The following PYGL variants were observed in gnomAD, a reference collection of about 807,000 sequenced individuals.
PYGL encodes glycogen phosphorylase, liver form.
A neutral mutation model predicts 100.1 loss-of-function variants in PYGL; 90 were observed. The observed-to-expected ratio is 0.90, with a 90% CI of 0.76 to 1.07. The LOEUF (loss-of-function observed/expected upper bound fraction) is 1.07. Among genes scored for constraint, PYGL ranks in the 50% least tolerant of loss-of-function variants. The probability of loss-of-function intolerance (pLI) is 0.00; values close to 1 mark genes in which losing one functional copy is unlikely to be tolerated. For synonymous variants in PYGL, 373 were observed against 393.0 expected, an observed-to-expected ratio of 0.95 and a Z score of 0.60; for missense variants, 1,016 against 1,057.6, an observed-to-expected ratio of 0.96 and a Z score of 0.55.
intron 5 of PYGL, among the ~76,000 whole-genome samples, chr14:50,921,999 G>A (rs903496894): frequency 2.0e-5 from 3 of 152,216 alleles, no homozygotes; most frequent in Admixed American, 1.3e-4. Context: ...TAAGAGGTAA[G>A]CTTTGGAAAA....
chr14:50,941,244 A>C (rs1301056625), intron 1 of PYGL, among the ~76,000 whole-genome samples: 2 of 152,190 alleles, frequency 1.3e-5, no homozygotes, highest in Admixed American at 6.5e-5. Flanking sequence ...AGGTCACATA[A>C]AACAAAGAAG....
intron 19 of PYGL, among the ~76,000 whole-genome samples, chr14:50,906,218 C>A (rs1038583143): frequency 6.6e-6 from 1 of 152,062 alleles, no homozygotes; most frequent in African/African-American, 2.4e-5. Flanking sequence ...TTTATAGCCT[C>A]TTAATTTTGT....
chr14:50,907,506 T>G (rs903243259), intron 19 of PYGL, among the ~76,000 whole-genome samples: 3 of 152,176 alleles, frequency 2.0e-5, no homozygotes, highest in African/African-American at 7.2e-5. Context: ...ACCTTGGTGA[T>G]TCTGATGTGT....
chr14:50,935,426 A>T (rs546834936), intron 2 of PYGL, among the ~76,000 whole-genome samples: 1 of 152,332 alleles, frequency 6.6e-6, no homozygotes, highest in East Asian at 1.9e-4. Flanking sequence ...TGACTCTGTT[A>T]CTTCTTACAT....
At chr14:50,912,359 C>G in intron 13 of PYGL, 56 bp from the exon 14 acceptor site, 1 of 1,589,360 alleles carries the variant, frequency 6.3e-7, no homozygotes, top group Non-Finnish European at 8.6e-7. Flanking sequence ...ATTGGGTGGT[C>G]TGGTTTTTCT....
chr14:50,923,764 T>A, intron 5 of PYGL: 7 of 378,278 alleles, frequency 1.9e-5, no homozygotes, highest in East Asian at 1.4e-4. Flanking sequence ...TAAAAGTCAC[T>A]CCTCTCTTGG....
Position 50,915,898 on chromosome 14 carries a change from G to A in PYGL, c.1166C>T (p.Pro389Leu), listed in dbSNP as rs866661249. 1 of 1,614,182 alleles carries A rather than the reference G, an allele frequency of 6.2e-7. No individual in the cohort carries two copies. The highest frequency in any genetic ancestry group is 8.5e-7 in the Non-Finnish European group (1 of 1,180,004). Residue 389 changes from proline (P) to leucine (L), a missense_variant, in exon 10 of 20, where the codon CCC becomes CTC. By Grantham distance (98) the Pro-to-Leu change is moderately conservative (BLOSUM62 -3). Coordinates refer to ENST00000216392, the MANE Select transcript of PYGL (RefSeq NM_002863.5). ...TVLPEALERW[P>L]VDLVEKLLPR... ...GAGCAGCTTCTCCACCAGGTCCACG[G>A]GCCAGCGCTCCAGGGCTTCCGGGAG...
intron 4 of PYGL, among the ~76,000 whole-genome samples, chr14:50,928,437 G>C (rs1471932167): frequency 6.6e-6 from 1 of 152,100 alleles, no homozygotes; most frequent in Non-Finnish European, 1.5e-5. Context: ...GCAAGAGAAG[G>C]GTTGCAGAAG....
chr14:50,918,291 A>G (rs2050471849), intron 7 of PYGL, among the ~76,000 whole-genome samples: 1 of 152,226 alleles, frequency 6.6e-6, no homozygotes, highest in African/African-American at 2.4e-5. Context: ...TTAAAGAACT[A>G]AAAGTAGAAC....
rs555137834 is a variant in PYGL at position 50,944,323 on chromosome 14, C to T, written c.81G>A (p.Glu27=). 27 of 1,613,996 alleles carry T rather than the reference C, an allele frequency of 1.7e-5. No homozygotes were observed. The South Asian group carries it at 2.6e-4, about 16-fold the overall frequency. Reference sequence around the variant, plus strand: ...GGTGCCGGTTGAAACTCTTCTTCAGCTCTGCCACGTTCTCCACGCCCACGA... The same window carrying T: ...GGTGCCGGTTGAAACTCTTCTTCAGTTCTGCCACGTTCTCCACGCCCACGA... ...RGIVGVENVA[E]LKKSFNRHLH... is the part of the protein sequence containing the mutation. The change falls in exon 1 of 20, where the codon GAG becomes GAA. Residue 27 remains glutamate (E), a synonymous_variant. Coordinates refer to ENST00000216392, the MANE Select transcript of PYGL (RefSeq NM_002863.5).
Position 50,908,333 on chromosome 14 carries a change from T to A in PYGL, c.2317A>T (p.Lys773Ter). 1.3e-6 allele frequency: 2 copies of A among 1,594,894 alleles called. No individual in the cohort carries two copies. Among genetic ancestry groups the A allele is most frequent in the Non-Finnish European group, 1.7e-6 (2 of 1,162,440 alleles). Residue 773 changes from lysine (K) to a stop codon, truncating the protein, a stop_gained, in exon 19 of 20, where the codon AAA becomes TAA. Coordinates refer to ENST00000216392, the MANE Select transcript of PYGL (RefSeq NM_002863.5). LOFTEE classifies it high-confidence loss of function. ...TAGGCTTCGTAGTCTGCAAAGACTT[T>A]AAACCTTTTATTTTGTGAGTGGAAG... The part of the protein sequence containing the change: ...INMLFYHDRF[K>*]VFADYEAYVK...
rs534106330 is a variant in PYGL, at chr14:50,910,983, A to G, written c.1969+747T>C. Among the ~76,000 whole-genome samples the G allele has an allele frequency of 3.3e-5, 5 of 152,362 alleles. No homozygotes were observed. The East Asian group carries it at 9.6e-4, about 29-fold the overall frequency. ...TAGATGTATCTTCTTTTGCATCCCT[A>G]GGAACCTGGCTCTTCTCCCTTTATG... On this transcript the variant is annotated intron_variant, in intron 16 of 19. Transcript: ENST00000216392.
chr14:50,944,101 C>T (rs2050726469), intron 1 of PYGL, 60 bp downstream of exon 1: 2 of 1,540,630 alleles, frequency 1.3e-6, no homozygotes, highest in Non-Finnish European at 1.7e-6. Context: ...TCCCGCCCGG[C>T]CGCGGCCGGA....
In PYGL at chr14:50,913,013, C is replaced by G. The variant is rs1340339839; in HGVS notation, c.1620+16G>C. 1.2e-6 allele frequency: 2 copies of G among 1,612,932 alleles called. No individual in the cohort carries two copies. Among genetic ancestry groups the G allele is most frequent in the Non-Finnish European group, 8.5e-7 (1 of 1,179,140 alleles). ...CAGTGAGTGCCCAGGAGGGGACCCA[C>G]ACCTGGAAGGCTCACCTGCTTCACC... On this transcript the variant is annotated intron_variant, in intron 13 of 19. Coordinates refer to ENST00000216392, the MANE Select transcript of PYGL (RefSeq NM_002863.5).
At chr14:50,934,730 G>A (rs1006575128) in intron 3 of PYGL, among the ~76,000 whole-genome samples, 1 of 151,876 alleles carries the variant, frequency 6.6e-6, no homozygotes, top group African/African-American at 2.4e-5. Context: ...GCAGAAAAAA[G>A]GTCTGGAATT....
intron 19 of PYGL, among the ~76,000 whole-genome samples, chr14:50,906,355 G>A (rs2050336657): frequency 6.6e-6 from 1 of 152,186 alleles, no homozygotes; most frequent in Admixed American, 6.5e-5. Context: ...AACAGCATCT[G>A]AAATTTGTTT....
chr14:50,919,797 T>C (rs2050484284), intron 7 of PYGL, among the ~76,000 whole-genome samples: 1 of 152,098 alleles, frequency 6.6e-6, no homozygotes, highest in African/African-American at 2.4e-5. Context: ...TTTTCCTGCC[T>C]CAGCCTCTCC....
chr14:50,935,045 G>A, intron 3 of PYGL, 62 bp downstream of exon 3: 1 of 1,446,068 alleles, frequency 6.9e-7, no homozygotes, highest in African/African-American at 1.4e-5. Flanking sequence ...GCATGGTCAT[G>A]CATGGCATCT....
chr14:50,938,244 C>A (rs2050672827), intron 1 of PYGL, among the ~76,000 whole-genome samples: 1 of 152,166 alleles, frequency 6.6e-6, no homozygotes, highest in African/African-American at 2.4e-5. Flanking sequence ...CAAAGTCTTG[C>A]TCTGTCACCA....
Sources: gnomAD v4.1 joint callset for allele counts (sites outside exome capture counted in the v4.1 genomes callset) on GRCh38, gnomAD v4.1.1 for gene constraint, MANE v1.5 for transcripts, NCBI Gene and HGNC (gene_info 2026-07-23, HGNC 2026-07-21) for gene names.